The following CERS5 variants were observed in gnomAD, a reference collection of about 807,000 sequenced individuals.
CERS5 encodes the protein LAG1 homolog, ceramide synthase 5.
Under a neutral mutation model 58.9 loss-of-function variants are expected in CERS5, and 37 were observed. The observed-to-expected ratio is 0.63, with a 90% CI of 0.48 to 0.83. The LOEUF is 0.83. CERS5 is among the 40% of genes least tolerant of loss of function. CERS5 has a pLI of 0.00. For synonymous variants in CERS5, 147 were observed against 177.8 expected, an observed-to-expected ratio of 0.83 and a Z score of 1.38; for missense variants, 398 against 489.3, an observed-to-expected ratio of 0.81 and a Z score of 1.76.
intron 1 of CERS5, among the ~76,000 whole-genome samples, chr12:50,163,255 G>A (rs1056689281): frequency 7.2e-5 from 11 of 151,906 alleles, no homozygotes; most frequent in Admixed American, 3.3e-4. Context: ...CTGGAGTCCA[G>A]TGGCACGATC....
chr12:50,166,832 A>G (rs1939952390), intron 1 of CERS5, among the ~76,000 whole-genome samples: 2 of 150,108 alleles, frequency 1.3e-5, no homozygotes, highest in Non-Finnish European at 3.0e-5. Flanking sequence ...GGCCTATATG[A>G]CCCCCCCAAT....
At chr12:50,147,562 C>A (rs779490333) in intron 1 of CERS5, among the ~76,000 whole-genome samples, 4 of 152,126 alleles carry the variant, frequency 2.6e-5, no homozygotes, top group Non-Finnish European at 5.9e-5. Flanking sequence ...TCAAAACTAT[C>A]TTCAGAATAA....
intron 4 of CERS5, among the ~76,000 whole-genome samples, chr12:50,140,284 A>ATTTTT (rs57651378): frequency 0.021 from 2,023 of 96,046 alleles, 156 homozygotes; most frequent in East Asian, 0.12. Flanking sequence ...TAACTTCCAA[A>ATTTTT]TTTTTTTTTT....
At chr12:50,160,592 G>C (rs1293685948) in intron 1 of CERS5, among the ~76,000 whole-genome samples, 3 of 152,158 alleles carry the variant, frequency 2.0e-5, no homozygotes, top group Non-Finnish European at 2.9e-5. Context: ...GCAACATAAA[G>C]CTCCTATTAT....
chr12:50,138,743 T>A, intron 4 of CERS5, 126 bp from the exon 5 acceptor site: 1 of 788,314 alleles, frequency 1.3e-6, no homozygotes, highest in East Asian at 2.5e-5. Context: ...AAACAGATTT[T>A]AGGGCTCCCT....
chr12:50,152,316 C>G (rs1004224196), intron 1 of CERS5, among the ~76,000 whole-genome samples: 9 of 152,246 alleles, frequency 5.9e-5, no homozygotes, highest in African/African-American at 2.2e-4. Flanking sequence ...CCAAACCATA[C>G]TAGTAGTTAC....
intron 8 of CERS5, among the ~76,000 whole-genome samples, chr12:50,135,040 A>G (rs547807769): frequency 6.6e-6 from 1 of 151,482 alleles, no homozygotes; most frequent in African/African-American, 2.4e-5. Flanking sequence ...ATAGGATAGG[A>G]CAGTAGGTAG....
chr12:50,151,399 A>G (rs577293655), intron 1 of CERS5, among the ~76,000 whole-genome samples: 2 of 152,298 alleles, frequency 1.3e-5, no homozygotes, highest in East Asian at 3.9e-4. Context: ...TACATTAATG[A>G]CTAATCTCCT....
intron 8 of CERS5, chr12:50,134,972 G>A (rs528350514): frequency 1.1e-5 from 5 of 466,510 alleles, no homozygotes; most frequent in East Asian, 3.8e-5. Context: ...AGAGTTTCAC[G>A]AAATTAGGAC....
chr12:50,150,026 G>A lies in CERS5; in HGVS notation c.198-5969C>T, dbSNP rs181311506. Among the ~76,000 whole-genome samples, 38 of 152,334 alleles carry A rather than the reference G, an allele frequency of 2.5e-4. No homozygotes were observed. In the East Asian group the frequency reaches 6.9e-3, roughly 28 times the overall value. On this transcript the variant is annotated intron_variant, in intron 1 of 9. Transcript: ENST00000317551. Reference sequence around the variant, plus strand: ...CAAAGTGCTGGGATTACAGGCGTGAGCCAGCATACTCAGCCACAAATGTTA... The same window carrying A: ...CAAAGTGCTGGGATTACAGGCGTGAACCAGCATACTCAGCCACAAATGTTA...
At chr12:50,153,559 A>G (rs890775457) in intron 1 of CERS5, among the ~76,000 whole-genome samples, 8 of 151,824 alleles carry the variant, frequency 5.3e-5, no homozygotes, top group African/African-American at 1.7e-4. Flanking sequence ...ATTACAGGCA[A>G]GATTTTAAAA....
intron 9 of CERS5, chr12:50,133,241 A>G: frequency 9.2e-7 from 1 of 1,084,736 alleles, no homozygotes; most frequent in Non-Finnish European, 1.1e-6. Context: ...CTGCTCAAGC[A>G]GAGCCCCTCC....
At chr12:50,143,008 A>G (rs548601015) in intron 3 of CERS5, 66 bp downstream of exon 3, 45 of 1,502,434 alleles carry the variant, frequency 3.0e-5, no homozygotes, top group Non-Finnish European at 3.9e-5. Flanking sequence ...TGTTCAAAAC[A>G]GAAACTTCAG....
At chr12:50,142,309 C>A (rs1952013948) in intron 3 of CERS5, among the ~76,000 whole-genome samples, 199 bp from the exon 4 acceptor site, 1 of 152,108 alleles carries the variant, frequency 6.6e-6, no homozygotes, top group Non-Finnish European at 1.5e-5. Flanking sequence ...AATCCCAGCA[C>A]TTTGGGAGGC....
At chr12:50,150,536 C>T (rs775767714) in intron 1 of CERS5, among the ~76,000 whole-genome samples, 4 of 151,822 alleles carry the variant, frequency 2.6e-5, no homozygotes, top group South Asian at 4.2e-4. Context: ...ACAGAATATA[C>T]GAATACAAAT....
intron 5 of CERS5, 96 bp downstream of exon 5, chr12:50,138,471 A>C (rs1951804223): frequency 4.9e-6 from 5 of 1,012,026 alleles, no homozygotes; most frequent in Non-Finnish European, 7.9e-6. Flanking sequence ...AATCCCAAGG[A>C]AACGCACCAT....
At chr12:50,160,942 T>C (rs938888115) in intron 1 of CERS5, among the ~76,000 whole-genome samples, 1 of 152,186 alleles carries the variant, frequency 6.6e-6, no homozygotes, top group East Asian at 1.9e-4. Context: ...CATGCAAACA[T>C]AGTATGGTGA....
rs1951204853 is a variant in CERS5, at chr12:50,129,647, GTA to G, written c.*896_*897del. 1 of 151,510 alleles carries G rather than the reference GTA, an allele frequency of 6.6e-6. No homozygotes were observed. The highest frequency in any genetic ancestry group is 6.6e-5 in the Admixed American group (1 of 15,126). 9.4% of individuals were successfully genotyped at this position (151,510 alleles called of 1,614,324 possible). A position where few individuals can be genotyped will look rare whatever the true frequency, so the allele number is the denominator to read the frequency against. Reference sequence around the variant, plus strand: ...CTTAAAAAACATAAAGCTCTAAAATGTAAGCACCCTGGCTGACTCTTCCTACC... The same window carrying G: ...CTTAAAAAACATAAAGCTCTAAAATGAGCACCCTGGCTGACTCTTCCTACC... On this transcript the variant is annotated 3_prime_UTR_variant, in exon 10 of 10. Transcript: ENST00000317551.
chr12:50,142,246 A>C, intron 3 of CERS5, 136 bp from the exon 4 acceptor site: 1 of 627,218 alleles, frequency 1.6e-6, no homozygotes, highest in South Asian at 1.9e-5. Flanking sequence ...ATAGGCAACT[A>C]CTGTCATTTA....
Sources: gnomAD v4.1 joint callset for allele counts (sites outside exome capture counted in the v4.1 genomes callset) on GRCh38, gnomAD v4.1.1 for gene constraint, MANE v1.5 for transcripts, NCBI Gene and HGNC (gene_info 2026-07-23, HGNC 2026-07-21) for gene names.